The following DNAH17 variants were observed in gnomAD, a reference collection of about 807,000 sequenced individuals.
DNAH17 encodes dynein axonemal heavy chain 17.
DNAH17 carries 376 observed loss-of-function variants against 485.6 expected under a neutral mutation model. The ratio of observed to expected loss-of-function variants is 0.77; its 90% CI spans 0.71 to 0.84. DNAH17 has a LOEUF of 0.84. Among genes scored for constraint, DNAH17 ranks in the 40% least tolerant of loss-of-function variants. The pLI is 0.00. For synonymous variants in DNAH17, 3,031 were observed against 2,405.9 expected, an observed-to-expected ratio of 1.26 and a Z score of -7.60; for missense variants, 6,370 against 5,839.3, an observed-to-expected ratio of 1.09 and a Z score of -2.96.
At chr17:78,424,981 A>G (rs1207315984) in intron 80 of DNAH17, 3 of 175,746 alleles carry the variant, frequency 1.7e-5, no homozygotes, top group Admixed American at 5.8e-5. Context: ...GTCTCAGTGC[A>G]GCCACAAAAC....
chr17:78,574,949 C>T lies in DNAH17; in HGVS notation c.109G>A (p.Val37Met), dbSNP rs377396845. ...WSKLIGAEEN[V>M]ALFTEFFEKP... The stretch of plus-strand genomic sequence containing the variant: ...TCAAAGAACTCTGTGAACAGGGCCA[C>T]GTTCTCCTCGGCGCCTATCAGCTTG... Residue 37 changes from valine to methionine, a missense_variant, in exon 2 of 81, where the codon GTG becomes ATG. Coordinates refer to ENST00000389840, the MANE Select transcript of DNAH17 (RefSeq NM_173628.4). The T allele has an allele frequency of 7.4e-6, 12 of 1,613,984 alleles. No homozygotes were observed. The Admixed American group carries it at 1.2e-4, about 16-fold the overall frequency.
In DNAH17 at chr17:78,571,657, G is replaced by C; in HGVS notation, c.665C>G (p.Pro222Arg). 3 of 1,614,030 alleles carry C rather than the reference G, an allele frequency of 1.9e-6. No individual in the cohort carries two copies. The highest frequency in any genetic ancestry group is 2.5e-6 in the Non-Finnish European group (3 of 1,179,894). ...SAQALLDGLH[P>R]LPQVEFEFWD... ...GAACTCGAACTCCACTTGGGGCAGGGGGTGCAGCCCATCCAGCAGCGCCTG... is the reference window on the plus strand; with the variant it reads ...GAACTCGAACTCCACTTGGGGCAGGCGGTGCAGCCCATCCAGCAGCGCCTG... The change falls in exon 4 of 81, where the codon CCC becomes CGC. Residue 222 changes from proline (P) to arginine (R), a missense_variant. Pro to Arg is a moderately radical substitution (Grantham distance 103). Transcript: ENST00000389840.
chr17:78,468,995 G>A (rs138504621), intron 54 of DNAH17, 112 bp from the exon 55 acceptor site: 236 of 1,333,026 alleles, frequency 1.8e-4, no homozygotes, highest in African/African-American at 1.0e-3. Context: ...ACGGAGTCTC[G>A]CTCTGTCGCC....
Position 78,453,361 on chromosome 17 carries a change from T to C in DNAH17, c.10511A>G (p.Asn3504Ser), listed in dbSNP as rs773565015. ...DPVLDPLLGR[N>S]TIKKGKYIKI... Reference sequence around the variant, plus strand: ...AACTCACTTTCCCTTTTTAATCGTGTTCCTGCCCAGTAGAGGGTCCAGCAC... The same window carrying C: ...AACTCACTTTCCCTTTTTAATCGTGCTCCTGCCCAGTAGAGGGTCCAGCAC... Residue 3504 changes from asparagine to serine, a missense_variant, in exon 65 of 81, where the codon AAC (asparagine) becomes AGC (serine). Physicochemically the swap from Asn to Ser is conservative, Grantham distance 46. Transcript: ENST00000389840. The C allele has an allele frequency of 1.9e-6, 3 of 1,613,604 alleles. No individual in the cohort carries two copies. Among genetic ancestry groups the C allele is most frequent in the South Asian group, 2.2e-5 (2 of 90,978 alleles).
chr17:78,564,364 T>C (rs1171438301), intron 11 of DNAH17, among the ~76,000 whole-genome samples: 1 of 142,156 alleles, frequency 7.0e-6, no homozygotes, highest in Non-Finnish European at 1.5e-5. Flanking sequence ...CCAAGTTACT[T>C]AATTTTTCAG....
At position 78,476,669 on chromosome 17, in the gene DNAH17, TG is replaced by T; in HGVS notation, c.8056del (p.His2686MetfsTer62). The T allele has an allele frequency of 6.2e-7, 1 of 1,613,188 alleles. No individual in the cohort carries two copies. Among genetic ancestry groups the T allele is most frequent in the East Asian group, 2.2e-5 (1 of 44,882 alleles). ...GTCACCATACACTCGTTCAGTCTCA[TG>T]TAGCCAAAGGCGGACGAGGTCCAGT... is the stretch of plus-strand genomic sequence containing the variant. ...TPLDLVRLWL[H>X]ETERVYGDKM... On this transcript the variant is annotated frameshift_variant, in exon 52 of 81. Coordinates refer to ENST00000389840, the MANE Select transcript of DNAH17 (RefSeq NM_173628.4). LOFTEE classifies it high-confidence loss of function.
intron 69 of DNAH17, 76 bp from the exon 70 acceptor site, chr17:78,445,756 CGAA>C (rs2087260190): frequency 3.3e-6 from 5 of 1,505,102 alleles, no homozygotes; most frequent in Non-Finnish European, 4.5e-6. Flanking sequence ...GCGCTGGACT[CGAA>C]GAGGAGTTCA....
At chr17:78,471,128 G>A (rs1380437348) in intron 54 of DNAH17, among the ~76,000 whole-genome samples, 3 of 152,158 alleles carry the variant, frequency 2.0e-5, no homozygotes, top group Admixed American at 6.5e-5. Flanking sequence ...TTATTGAAGA[G>A]GCTTTAAAAG....
In DNAH17 at chr17:78,449,594, C is replaced by T. The variant is rs765916879; in HGVS notation, c.11041-10G>A. 19 of 1,584,654 alleles carry T rather than the reference C, an allele frequency of 1.2e-5. No individual in the cohort carries two copies. The highest frequency in any genetic ancestry group is 5.5e-5 in the African/African-American group (4 of 72,980). On this transcript the variant is annotated splice_polypyrimidine_tract_variant and intron_variant, in intron 68 of 80. Transcript: ENST00000389840. ...ACACCACGTTGAAGGCCTGGGGATCCGCCACCGAGAGCCATGGAGGCGTGC... is the reference window on the plus strand; with the variant it reads ...ACACCACGTTGAAGGCCTGGGGATCTGCCACCGAGAGCCATGGAGGCGTGC...
At chr17:78,505,252 C>T (rs1337637211) in intron 31 of DNAH17, 41 bp downstream of exon 31, 1 of 1,611,672 alleles carries the variant, frequency 6.2e-7, no homozygotes, top group East Asian at 2.2e-5. Flanking sequence ...CGTGCTGCAC[C>T]CTTGTCCTGG....
intron 75 of DNAH17, among the ~76,000 whole-genome samples, chr17:78,433,629 G>A (rs1042542920): frequency 2.6e-5 from 4 of 152,086 alleles, no homozygotes; most frequent in Admixed American, 6.5e-5. Flanking sequence ...CCTGCAGCCC[G>A]GGAAGCCCTG....
chr17:78,452,166 C>T (rs143364563), intron 65 of DNAH17, among the ~76,000 whole-genome samples: 104 of 151,792 alleles, frequency 6.9e-4, no homozygotes, highest in African/African-American at 2.5e-3. Context: ...CACCAGGCCC[C>T]TCCCAGAGTC....
intron 26 of DNAH17, among the ~76,000 whole-genome samples, chr17:78,510,892 C>T (rs2090619450): frequency 6.6e-6 from 1 of 152,194 alleles, no homozygotes. Context: ...CAAGTGTCCT[C>T]GTGACAGGAA....
intron 61 of DNAH17, 55 bp downstream of exon 61, chr17:78,458,946 A>G: frequency 1.3e-6 from 2 of 1,572,092 alleles, no homozygotes; most frequent in Middle Eastern, 1.7e-4. Flanking sequence ...ATTGACTGGC[A>G]GCGCGAGCAA....
At chr17:78,543,392 G>A (rs967416090) in intron 17 of DNAH17, among the ~76,000 whole-genome samples, 1 of 151,876 alleles carries the variant, frequency 6.6e-6, no homozygotes, top group Non-Finnish European at 1.5e-5. Context: ...CCGGGTTCAC[G>A]CCATTCTCCT....
Position 78,510,440 on chromosome 17 carries a change from C to T in DNAH17, c.4180G>A (p.Glu1394Lys), listed in dbSNP as rs751005013. ...TCCACGATGTTGCGGACCTCATCCT[C>T]GTAACTGTGGAGGTTCAGCTGCAGT... is the stretch of plus-strand genomic sequence containing the variant. Reference protein sequence around the residue: ...DLLQLNLHSYEDEVRNIVDKA... With the variant: ...DLLQLNLHSYKDEVRNIVDKA... Residue 1394 changes from glutamate to lysine, a missense_variant, in exon 27 of 81, where the codon GAG becomes AAG. Transcript: ENST00000389840. 14 of 1,613,718 alleles carry T rather than the reference C, an allele frequency of 8.7e-6. No homozygotes were observed. Among genetic ancestry groups the T allele is most frequent in the South Asian group, 2.2e-5 (2 of 91,072 alleles).
chr17:78,491,183 A>G (rs2089836205), intron 43 of DNAH17, among the ~76,000 whole-genome samples: 1 of 152,256 alleles, frequency 6.6e-6, no homozygotes, highest in African/African-American at 2.4e-5. Context: ...ACAATTCTAC[A>G]TAACCATTTC....
chr17:78,480,816 G>T, intron 48 of DNAH17, 30 bp from the exon 49 acceptor site: 1 of 1,550,494 alleles, frequency 6.4e-7, no homozygotes, highest in Non-Finnish European at 8.9e-7. Context: ...TTCATGTTGT[G>T]CCCCTGGCCT....
rs765201710 is a variant in DNAH17, at chr17:78,485,035, TAG to T, written c.7484-4_7484-3del. Reference sequence around the variant, plus strand: ...TCTCCAGCGGCTTCTCCAGCACCCCTAGAGAGGGCAGAGGGTCAGCTGCCCGC... The same window carrying T: ...TCTCCAGCGGCTTCTCCAGCACCCCTAGAGGGCAGAGGGTCAGCTGCCCGC... On this transcript the variant is annotated splice_polypyrimidine_tract_variant and splice_region_variant and intron_variant, in intron 47 of 80. Coordinates refer to ENST00000389840, the MANE Select transcript of DNAH17 (RefSeq NM_173628.4). 6.2e-7 allele frequency: 1 copy of T among 1,604,508 alleles called. No individual in the cohort carries two copies. The highest frequency in any genetic ancestry group is 1.3e-5 in the African/African-American group (1 of 74,782).
Sources: allele counts gnomAD v4.1 joint callset (sites outside exome capture counted in the v4.1 genomes callset), GRCh38; gene constraint gnomAD v4.1.1; transcripts MANE v1.5; gene names NCBI Gene and HGNC (gene_info 2026-07-23, HGNC 2026-07-21).